OGDH: variants seen among roughly 807,000 people sequenced by gnomAD.
OGDH encodes the protein 2-oxoglutarate dehydrogenase complex component E1.
A neutral mutation model predicts 116.6 loss-of-function variants in OGDH; 38 were observed. The ratio of observed to expected loss-of-function variants is 0.33; its 90% confidence interval spans 0.25 to 0.43. OGDH has a LOEUF of 0.43. Ranked by LOEUF, OGDH falls within the 20% of genes least tolerant of loss-of-function variation. The pLI, the probability that OGDH is intolerant of heterozygous loss-of-function variation, is 1.00. For missense variants in OGDH, 825 were observed against 1,357.2 expected, an observed-to-expected ratio of 0.61 and a Z score of 6.16; for synonymous variants, 488 against 533.3, an observed-to-expected ratio of 0.92 and a Z score of 1.17.
intron 2 of OGDH, among the ~76,000 whole-genome samples, 181 bp from the exon 3 acceptor site, chr7:44,645,146 C>T (rs574459460): frequency 1.3e-4 from 20 of 152,224 alleles, no homozygotes; most frequent in Non-Finnish European, 2.8e-4. Context: ...AGCAGGGAGC[C>T]TGAATGCTGA....
intron 5 of OGDH, among the ~76,000 whole-genome samples, chr7:44,673,398 C>A (rs1004990455): frequency 2.6e-5 from 4 of 152,250 alleles, no homozygotes; most frequent in Admixed American, 2.0e-4. Context: ...ATGGGCATTT[C>A]CTGTCATGGG....
chr7:44,657,593 C>T (rs757860232), intron 4 of OGDH, among the ~76,000 whole-genome samples: 6 of 152,124 alleles, frequency 3.9e-5, no homozygotes, highest in African/African-American at 7.2e-5. Flanking sequence ...TTTTCCCCCT[C>T]GTTTCCTACC....
At chr7:44,686,695 T>C (rs1007414172) in intron 10 of OGDH, among the ~76,000 whole-genome samples, 3 of 149,632 alleles carry the variant, frequency 2.0e-5, no homozygotes, top group Non-Finnish European at 3.0e-5. Flanking sequence ...TTTTCTTTTT[T>C]TTTTTTTTTT....
intron 1 of OGDH, among the ~76,000 whole-genome samples, chr7:44,612,083 T>C (rs1235603520): frequency 6.6e-6 from 1 of 152,198 alleles, no homozygotes; most frequent in African/African-American, 2.4e-5. Flanking sequence ...GGTTTAAAGT[T>C]TGAGTGTTTT....
At chr7:44,639,146 C>T (rs564292775) in intron 2 of OGDH, among the ~76,000 whole-genome samples, 2 of 152,252 alleles carry the variant, frequency 1.3e-5, no homozygotes, top group East Asian at 3.9e-4. Flanking sequence ...CTCTGCAGGT[C>T]CCCTGGAACC....
chr7:44,645,302 A>G, intron 2 of OGDH, 25 bp from the exon 3 acceptor site: 1 of 1,607,020 alleles, frequency 6.2e-7, no homozygotes, highest in Non-Finnish European at 8.5e-7. Context: ...GCAGTGAGGT[A>G]ACCCTGTACC....
At chr7:44,615,101 G>A (rs1784719230) in intron 1 of OGDH, among the ~76,000 whole-genome samples, 1 of 152,150 alleles carries the variant, frequency 6.6e-6, no homozygotes, top group Admixed American at 6.6e-5. Flanking sequence ...AAAGTGCTGG[G>A]ATTACAGGTA....
In OGDH at chr7:44,708,912, C is replaced by T. The variant is rs974444044; in HGVS notation, c.*913C>T. 11 of 152,162 alleles carry T rather than the reference C, an allele frequency of 7.2e-5. No individual in the cohort carries two copies. The highest frequency in any genetic ancestry group is 1.0e-4 in the Non-Finnish European group (7 of 68,050). The allele number at this position is 152,162 out of a possible 1,614,324, so 9.4% of individuals were successfully genotyped here. On this transcript the variant is annotated 3_prime_UTR_variant, in exon 23 of 23. Coordinates refer to ENST00000222673, the MANE Select transcript of OGDH (RefSeq NM_002541.4). Reference sequence around the variant, plus strand: ...GAGAGGAGGGGCTGGGGGTGAGGGGCCAGGCCATGGCCAAGGGGCCAGCTG... The same window carrying T: ...GAGAGGAGGGGCTGGGGGTGAGGGGTCAGGCCATGGCCAAGGGGCCAGCTG...
Position 44,654,987 on chromosome 7 carries a change from A to T in OGDH, c.517+7228A>T, listed in dbSNP as rs799434. On this transcript the variant is annotated intron_variant, in intron 4 of 22. Transcript: ENST00000222673. ...CCAGAATATCTTCTATTGTTCTCTT[A>T]ACTCTCCTCTTCTTTGGTTTGTGTC... 2.4e-4 allele frequency among the ~76,000 whole-genome samples: 36 copies of T among 152,316 alleles called. 1 individual carries two copies. Among genetic ancestry groups the T allele is most frequent in the African/African-American group, 6.7e-4 (28 of 41,578 alleles).
At chr7:44,701,466 G>C (rs1009922974) in intron 19 of OGDH, 77 bp from the exon 20 acceptor site, 1 of 1,275,554 alleles carries the variant, frequency 7.8e-7, no homozygotes. Context: ...GTCAAGGCTT[G>C]GGTAGCCTTG....
In OGDH at chr7:44,684,134, G is replaced by A. The variant is rs552138370; in HGVS notation, c.1335+2286G>A. ...AGCATCAGATCAAGTCAGGAGAGAG[G>A]TCCTAGTGTCTGAAGGAGTGGACAA... On this transcript the variant is annotated intron_variant, in intron 10 of 22. Transcript: ENST00000222673. 2.0e-5 allele frequency among the ~76,000 whole-genome samples: 3 copies of A among 152,266 alleles called. No individual in the cohort carries two copies. The East Asian group carries it at 5.8e-4, about 29-fold the overall frequency.
At chr7:44,649,546 G>A (rs1020256343) in intron 4 of OGDH, among the ~76,000 whole-genome samples, 8 of 152,030 alleles carry the variant, frequency 5.3e-5, no homozygotes, top group African/African-American at 1.7e-4. Context: ...CAAAACATTC[G>A]AACAGGAGAG....
intron 4 of OGDH, chr7:44,656,478 TTTTAAG>T (rs1319938910): frequency 5.5e-6 from 5 of 910,606 alleles, no homozygotes; most frequent in Admixed American, 4.7e-5. Flanking sequence ...TGTCACGTGT[TTTTAAG>T]TTTGTTAATT....
intron 9 of OGDH, among the ~76,000 whole-genome samples, chr7:44,680,085 A>G (rs986496600): frequency 6.6e-6 from 1 of 152,082 alleles, no homozygotes; most frequent in Non-Finnish European, 1.5e-5. Flanking sequence ...GGTGGCATGT[A>G]CTTGTATTCC....
At chr7:44,624,602 G>T in intron 2 of OGDH, 37 bp downstream of exon 2, 1 of 1,578,846 alleles carries the variant, frequency 6.3e-7, no homozygotes. Flanking sequence ...CCTCATGTTG[G>T]TGTGTTGGCC....
intron 4 of OGDH, among the ~76,000 whole-genome samples, chr7:44,663,402 G>A (rs1422941020): frequency 1.3e-5 from 2 of 152,216 alleles, no homozygotes; most frequent in African/African-American, 4.8e-5. Flanking sequence ...GGAGACCAAG[G>A]CAGGCAGATT....
chr7:44,647,357 A>G, intron 3 of OGDH: 3 of 847,240 alleles, frequency 3.5e-6, no homozygotes, highest in Non-Finnish European at 5.6e-6. Context: ...TCCTCTTTGG[A>G]AAAGGTTTGC....
rs989567351 is a variant in OGDH at position 44,709,002 on chromosome 7, A to T, written c.*1003A>T. ...GATTTATTTATTTTGGTTAAAAAAAAAAAAAAGGAACAGAAACAACTTTGC... is the reference window on the plus strand; with the variant it reads ...GATTTATTTATTTTGGTTAAAAAAATAAAAAAGGAACAGAAACAACTTTGC... On this transcript the variant is annotated 3_prime_UTR_variant, in exon 23 of 23. Coordinates refer to ENST00000222673, the MANE Select transcript of OGDH (RefSeq NM_002541.4). 1 of 152,102 alleles carries T rather than the reference A, an allele frequency of 6.6e-6. No individual in the cohort carries two copies. Among genetic ancestry groups the T allele is most frequent in the Non-Finnish European group, 1.5e-5 (1 of 68,022 alleles). The allele number at this position is 152,102 out of a possible 1,614,324, so 9.4% of individuals were successfully genotyped here.
At chr7:44,661,966 A>G (rs1475544887) in intron 4 of OGDH, among the ~76,000 whole-genome samples, 3 of 152,324 alleles carry the variant, frequency 2.0e-5, no homozygotes, top group Middle Eastern at 3.4e-3. Context: ...CTTTATATAG[A>G]CATAACTTAT....
Sources: gnomAD v4.1 joint callset for allele counts (sites outside exome capture counted in the v4.1 genomes callset) on GRCh38, gnomAD v4.1.1 for gene constraint, MANE v1.5 for transcripts, NCBI Gene and HGNC (gene_info 2026-07-23, HGNC 2026-07-21) for gene names.